Variants in LRP1B observed in about 807,000 individuals in gnomAD.
LRP1B encodes low-density lipoprotein receptor-related protein 1B.
Under a neutral mutation model 556.6 loss-of-function variants are expected in LRP1B, and 217 were observed. That is an observed-to-expected ratio of 0.39 (90% CI 0.35 to 0.44). The LOEUF (loss-of-function observed/expected upper bound fraction) is 0.44. Ranked by LOEUF, LRP1B falls within the 20% of genes least tolerant of loss-of-function variation. The pLI is 1.00. For missense variants in LRP1B, 5,053 were observed against 5,620.8 expected, an observed-to-expected ratio of 0.90 and a Z score of 3.23; for synonymous variants, 2,047 against 1,865.8, an observed-to-expected ratio of 1.10 and a Z score of -2.50.
chr2:140,728,214 A>G (rs1687659855), intron 35 of LRP1B, among the ~76,000 whole-genome samples: 1 of 152,166 alleles, frequency 6.6e-6, no homozygotes, highest in African/African-American at 2.4e-5. Flanking sequence ...AATAAAAAGA[A>G]TCTTTCACAT....
chr2:140,888,609 C>T (rs1693708275), intron 23 of LRP1B, among the ~76,000 whole-genome samples: 1 of 151,576 alleles, frequency 6.6e-6, no homozygotes, highest in Admixed American at 6.6e-5. Flanking sequence ...TTTAATAATA[C>T]ACTTGAAAAT....
intron 1 of LRP1B, among the ~76,000 whole-genome samples, chr2:142,004,892 T>C (rs1702756201): frequency 1.3e-5 from 2 of 151,870 alleles, no homozygotes; most frequent in Admixed American, 6.6e-5. Context: ...TGTTAAGTTT[T>C]CTTGTAGAAT....
At chr2:140,326,867 T>C (rs1680514535) in intron 79 of LRP1B, among the ~76,000 whole-genome samples, 1 of 152,160 alleles carries the variant, frequency 6.6e-6, no homozygotes, top group Non-Finnish European at 1.5e-5. Context: ...AATATTTTTC[T>C]ACTTTTTTAG....
chr2:140,949,557 T>C (rs1695642533), intron 20 of LRP1B, among the ~76,000 whole-genome samples: 1 of 144,326 alleles, frequency 6.9e-6, no homozygotes, highest in African/African-American at 2.6e-5. Context: ...AAATGTTGTA[T>C]GGAAATAAAA....
chr2:142,078,798 T>C (rs557591622), intron 1 of LRP1B, among the ~76,000 whole-genome samples: 16 of 152,286 alleles, frequency 1.1e-4, no homozygotes, highest in Non-Finnish European at 2.2e-4. Flanking sequence ...AATAGGGTTT[T>C]TTTGGTAATC....
At chr2:140,781,010 G>C (rs1282553651) in intron 32 of LRP1B, among the ~76,000 whole-genome samples, 10 of 152,132 alleles carry the variant, frequency 6.6e-5, no homozygotes, top group Admixed American at 6.5e-4. Context: ...CTCAGTTCTG[G>C]ATCATAGTTT....
chr2:141,230,852 A>G (rs754297040), intron 5 of LRP1B, among the ~76,000 whole-genome samples: 1 of 152,190 alleles, frequency 6.6e-6, no homozygotes, highest in Non-Finnish European at 1.5e-5. Context: ...TTAAGCCCCT[A>G]TACTTTCTAT....
At chr2:141,480,943 C>T (rs1417403670) in intron 2 of LRP1B, among the ~76,000 whole-genome samples, 1 of 152,132 alleles carries the variant, frequency 6.6e-6, no homozygotes, top group African/African-American at 2.4e-5. Flanking sequence ...GTTAGAATTA[C>T]ATCAGGTAAC....
chr2:140,514,601 G>T, intron 51 of LRP1B, 52 bp downstream of exon 51: 1 of 1,497,750 alleles, frequency 6.7e-7, no homozygotes, highest in South Asian at 1.4e-5. Flanking sequence ...TAAAATGATA[G>T]AGCATATATA....
At position 142,122,449 on chromosome 2, in the gene LRP1B, C is replaced by G. The variant is rs1707490252; in HGVS notation, c.82+8199G>C. Among the ~76,000 whole-genome samples the G allele has an allele frequency of 2.0e-5, 3 of 151,976 alleles. No individual in the cohort carries two copies. The South Asian group carries it at 6.2e-4, about 32-fold the overall frequency. On this transcript the variant is annotated intron_variant, in intron 1 of 90. Coordinates refer to ENST00000389484, the MANE Select transcript of LRP1B (RefSeq NM_018557.3). Reference sequence around the variant, plus strand: ...AATTCAACATTTAGATTTAGATATTCTAAATGTTGATCATGTTGGATAGTC... The same window carrying G: ...AATTCAACATTTAGATTTAGATATTGTAAATGTTGATCATGTTGGATAGTC...
chr2:140,715,990 A>G lies in LRP1B; in HGVS notation c.6006T>C (p.Ala2002=). ...AAAATTACCCTTTCTCTGGGTGCAC[A>G]GCTATAGATCTTGGTTGATCCAGGC... ...SQGLDQPRSI[A]VHPEKGLLFW... is the part of the protein sequence containing the mutation. The change falls in exon 37 of 91, where the codon GCT becomes GCC. Residue 2002 remains alanine, a synonymous_variant. Transcript: ENST00000389484. 1 of 1,600,500 alleles carries G rather than the reference A, an allele frequency of 6.2e-7. No individual in the cohort carries two copies.
intron 21 of LRP1B, 23 bp downstream of exon 21, chr2:140,922,942 A>G (rs1490104161): frequency 1.2e-6 from 2 of 1,603,334 alleles, no homozygotes; most frequent in Non-Finnish European, 1.7e-6. Context: ...ACCCAATAGA[A>G]GCCAAAAGCA....
At chr2:141,321,492 T>C (rs1196912786) in intron 3 of LRP1B, among the ~76,000 whole-genome samples, 1 of 152,134 alleles carries the variant, frequency 6.6e-6, no homozygotes, top group Non-Finnish European at 1.5e-5. Context: ...TTTAACAGTA[T>C]GAAAAATAGT....
intron 82 of LRP1B, among the ~76,000 whole-genome samples, chr2:140,319,744 G>A (rs1009435518): frequency 3.3e-5 from 5 of 152,078 alleles, no homozygotes; most frequent in Non-Finnish European, 7.4e-5. Context: ...TTTTGAGAAC[G>A]TGGTACTAAC....
intron 1 of LRP1B, among the ~76,000 whole-genome samples, chr2:141,881,639 A>G (rs908429698): frequency 6.6e-6 from 1 of 152,054 alleles, no homozygotes; most frequent in African/African-American, 2.4e-5. Flanking sequence ...TAAGATGTAA[A>G]ATTTTAAAAA....
chr2:141,907,182 A>C (rs2104944943), intron 1 of LRP1B, among the ~76,000 whole-genome samples: 1 of 152,028 alleles, frequency 6.6e-6, no homozygotes, highest in Admixed American at 6.6e-5. Context: ...ATCCCAAGCA[A>C]TTATTTTTGG....
At chr2:140,579,029 A>G (rs1322016206) in intron 43 of LRP1B, among the ~76,000 whole-genome samples, 7 of 152,120 alleles carry the variant, frequency 4.6e-5, no homozygotes, top group Non-Finnish European at 1.0e-4. Context: ...AAGGGGAACG[A>G]GGAGACGGAA....
At chr2:140,705,593 A>T (rs191482013) in intron 37 of LRP1B, among the ~76,000 whole-genome samples, 6 of 150,056 alleles carry the variant, frequency 4.0e-5, no homozygotes, top group African/African-American at 1.5e-4. Flanking sequence ...AATATGAAAA[A>T]GGTCTTAGCT....
At chr2:141,227,655 G>A (rs570590100) in intron 6 of LRP1B, among the ~76,000 whole-genome samples, 2 of 151,982 alleles carry the variant, frequency 1.3e-5, no homozygotes, top group South Asian at 2.1e-4. Context: ...CAAAATGTTC[G>A]ACAATATTTG....
Sources: gnomAD v4.1 joint callset for allele counts (sites outside exome capture counted in the v4.1 genomes callset) on GRCh38, gnomAD v4.1.1 for gene constraint, MANE v1.5 for transcripts, NCBI Gene and HGNC (gene_info 2026-07-23, HGNC 2026-07-21) for gene names.